The following LSAMP variants were observed in gnomAD, a reference collection of about 807,000 sequenced individuals.
The protein encoded by LSAMP is limbic system-associated membrane protein.
Under a neutral mutation model 38.6 loss-of-function variants are expected in LSAMP, and 7 were observed. The ratio of observed to expected loss-of-function variants is 0.18; its 90% CI spans 0.10 to 0.34. LSAMP has a LOEUF of 0.34. Among genes scored for constraint, LSAMP ranks in the 10% least tolerant of loss-of-function variants. The pLI, the probability that LSAMP is intolerant of heterozygous loss-of-function variation, is 1.00. For missense variants in LSAMP, 313 were observed against 420.0 expected, an observed-to-expected ratio of 0.75 and a Z score of 2.23; for synonymous variants, 154 against 166.8, an observed-to-expected ratio of 0.92 and a Z score of 0.59.
intron 1 of LSAMP, among the ~76,000 whole-genome samples, chr3:116,294,663 CATTTAA>C (rs761218684): frequency 1.2e-3 from 189 of 152,154 alleles, no homozygotes; most frequent in Non-Finnish European, 1.8e-3. Context: ...CTTAGATCGC[CATTTAA>C]ATTTAAATAT....
At chr3:116,080,219 A>G (rs1576350748) in intron 2 of LSAMP, among the ~76,000 whole-genome samples, 1 of 152,210 alleles carries the variant, frequency 6.6e-6, no homozygotes, top group Non-Finnish European at 1.5e-5. Context: ...CATAGATTCA[A>G]TGATTCAAGA....
chr3:116,194,756 G>A (rs1710844064), intron 1 of LSAMP, among the ~76,000 whole-genome samples: 1 of 152,134 alleles, frequency 6.6e-6, no homozygotes, highest in Non-Finnish European at 1.5e-5. Context: ...CTAATGCTCA[G>A]CTAAATCATT....
intron 3 of LSAMP, among the ~76,000 whole-genome samples, chr3:115,911,719 T>C (rs1937140344): frequency 6.6e-6 from 1 of 152,236 alleles, no homozygotes; most frequent in African/African-American, 2.4e-5. Context: ...TGCTGGAGCA[T>C]ATAGTAGCTG....
At chr3:115,894,011 A>G (rs562738682) in intron 3 of LSAMP, among the ~76,000 whole-genome samples, 15 of 152,078 alleles carry the variant, frequency 9.9e-5, no homozygotes, top group African/African-American at 3.6e-4. Flanking sequence ...ACACAGGTCA[A>G]ACCTCCTTTT....
At chr3:116,258,854 C>T (rs2046789653) in intron 1 of LSAMP, among the ~76,000 whole-genome samples, 2 of 152,076 alleles carry the variant, frequency 1.3e-5, no homozygotes, top group Non-Finnish European at 2.9e-5. Flanking sequence ...AGGAGAGTGA[C>T]GTCTATGCAT....
In LSAMP at chr3:115,874,176, C is replaced by T. The variant is rs1452965079; in HGVS notation, c.515-21559G>A. On this transcript the variant is annotated intron_variant, in intron 3 of 6. Coordinates refer to ENST00000490035, the MANE Select transcript of LSAMP (RefSeq NM_002338.5). ...GAGTTGGAGCTTTTAGATTTCAGCACGTAGATTGATTAATGTAAACGGCAC... is the reference window on the plus strand; with the variant it reads ...GAGTTGGAGCTTTTAGATTTCAGCATGTAGATTGATTAATGTAAACGGCAC... 3.9e-5 allele frequency among the ~76,000 whole-genome samples: 6 copies of T among 152,038 alleles called. No homozygotes were observed. The South Asian group carries it at 6.2e-4, about 16-fold the overall frequency.
chr3:116,228,003 T>C (rs866644910), intron 1 of LSAMP, among the ~76,000 whole-genome samples: 5 of 152,160 alleles, frequency 3.3e-5, no homozygotes, highest in African/African-American at 1.2e-4. Context: ...AGTCTGAGTA[T>C]TACTTTTTAA....
chr3:116,148,629 G>A (rs981797275), intron 1 of LSAMP, among the ~76,000 whole-genome samples: 5 of 151,982 alleles, frequency 3.3e-5, no homozygotes, highest in Admixed American at 2.6e-4. Flanking sequence ...AGATATATAA[G>A]TTCCAGTGAG....
At chr3:115,914,856 C>A (rs1412540434) in intron 3 of LSAMP, among the ~76,000 whole-genome samples, 1 of 152,108 alleles carries the variant, frequency 6.6e-6, no homozygotes, top group African/African-American at 2.4e-5. Flanking sequence ...TTCTTCCTGA[C>A]TTTTTAGGAT....
chr3:115,940,294 T>A (rs1330153921), intron 3 of LSAMP, among the ~76,000 whole-genome samples: 1 of 29,050 alleles, frequency 3.4e-5, no homozygotes, highest in Non-Finnish European at 9.9e-5. Flanking sequence ...TTTTATTCCC[T>A]TATTTGGCCC....
In LSAMP at chr3:116,445,139, C is replaced by T. The variant is rs1474451978; in HGVS notation, c.-108G>A. ...GCTTTCATCCACAGCGAGCGCAGAG[C>T]GGGCTTTGCCAGTTTATGGTCCTTT... On this transcript the variant is annotated 5_prime_UTR_variant, in exon 1 of 7. Transcript: ENST00000490035. The T allele has an allele frequency of 4.3e-6, 5 of 1,156,294 alleles. No homozygotes were observed. In the East Asian group the frequency reaches 1.3e-4, roughly 29 times the overall value. 71.6% of individuals were successfully genotyped at this position (1,156,294 alleles called of 1,614,324 possible). A position where few individuals can be genotyped will look rare whatever the true frequency, so the allele number is the denominator to read the frequency against.
At chr3:115,842,405 T>C in intron 5 of LSAMP, 53 bp downstream of exon 5, 5 of 1,575,494 alleles carry the variant, frequency 3.2e-6, no homozygotes, top group Non-Finnish European at 4.3e-6. Flanking sequence ...GGGATTCTGG[T>C]GTCCCCAGGC....
chr3:116,268,416 T>C (rs1407171256), intron 1 of LSAMP, among the ~76,000 whole-genome samples: 2 of 152,136 alleles, frequency 1.3e-5, no homozygotes, highest in Admixed American at 1.3e-4. Context: ...TTAAATTTTT[T>C]GCATCTTCTT....
intron 6 of LSAMP, among the ~76,000 whole-genome samples, chr3:115,820,962 G>A (rs1934209766): frequency 6.6e-6 from 1 of 152,162 alleles, no homozygotes; most frequent in African/African-American, 2.4e-5. Flanking sequence ...ATTTTCTGGA[G>A]GGCTGAGCTT....
At chr3:116,056,334 C>T (rs1941489804) in intron 2 of LSAMP, among the ~76,000 whole-genome samples, 8 of 152,146 alleles carry the variant, frequency 5.3e-5, no homozygotes, top group Admixed American at 5.2e-4. Flanking sequence ...AAGTTATCCA[C>T]ACTCCTGTCC....
intron 3 of LSAMP, among the ~76,000 whole-genome samples, chr3:116,016,014 AT>A (rs34723861): frequency 0.47 from 70,419 of 148,790 alleles, 17,847 homozygotes; most frequent in African/African-American, 0.69. Flanking sequence ...AAAGCTAACC[AT>A]TTTTTTTTTT....
At chr3:115,854,998 C>A (rs1359147072) in intron 3 of LSAMP, among the ~76,000 whole-genome samples, 1 of 152,086 alleles carries the variant, frequency 6.6e-6, no homozygotes, top group Non-Finnish European at 1.5e-5. Flanking sequence ...TACTGCATAT[C>A]CCCCACCCAT....
At chr3:115,893,393 T>A (rs1054450998) in intron 3 of LSAMP, among the ~76,000 whole-genome samples, 1 of 152,024 alleles carries the variant, frequency 6.6e-6, no homozygotes, top group Non-Finnish European at 1.5e-5. Flanking sequence ...CAAATAATAT[T>A]TAAGAGTGAT....
chr3:115,999,634 T>C (rs1481814434), intron 3 of LSAMP, among the ~76,000 whole-genome samples: 1 of 152,210 alleles, frequency 6.6e-6, no homozygotes, highest in Non-Finnish European at 1.5e-5. Flanking sequence ...AAGGAAGCCC[T>C]GTTTCCTTAG....
Sources: allele counts gnomAD v4.1 joint callset (sites outside exome capture counted in the v4.1 genomes callset), GRCh38; gene constraint gnomAD v4.1.1; transcripts MANE v1.5; gene names NCBI Gene and HGNC (gene_info 2026-07-23, HGNC 2026-07-21).